Variants in EXOC5 observed in about 807,000 individuals in gnomAD.
EXOC5 encodes the protein SEC10-like 1.
In EXOC5, 17 loss-of-function variants were observed where a neutral mutation model predicts 90.8. The ratio of observed to expected loss-of-function variants is 0.19; its 90% CI spans 0.13 to 0.28. EXOC5 has a LOEUF of 0.28. EXOC5 is among the 10% of genes least tolerant of loss of function. The pLI, the probability that EXOC5 is intolerant of heterozygous loss-of-function variation, is 1.00. For synonymous variants in EXOC5, 260 were observed against 270.0 expected (o/e 0.96, Z 0.36); for missense variants, 569 against 830.6 (o/e 0.69, Z 3.87).
intron 5 of EXOC5, 66 bp from the exon 6 acceptor site, chr14:57,237,432 G>A: frequency 4.8e-6 from 5 of 1,050,688 alleles, no homozygotes; most frequent in Non-Finnish European, 7.1e-6. Flanking sequence ...AATGTAAGAT[G>A]CTAACCAAAT....
intron 6 of EXOC5, among the ~76,000 whole-genome samples, 181 bp downstream of exon 6, chr14:57,237,157 C>CA: frequency 1.3e-5 from 2 of 151,800 alleles, no homozygotes; most frequent in East Asian, 1.9e-4. Context: ...CAAGAATATC[C>CA]AAAAAAACTG....
rs952156379 is a variant in EXOC5 at position 57,268,834 on chromosome 14, G to A, written c.-186C>T. On this transcript the variant is annotated 5_prime_UTR_variant, in exon 1 of 18. Coordinates refer to ENST00000621441, the MANE Select transcript of EXOC5 (RefSeq NM_006544.4). ...GCGGCCATGAAGCGAAGCCGCAAAC[G>A]CTTGTCAGCTGCCTCCCGGCGCCGC... The A allele has an allele frequency of 3.0e-5, 40 of 1,342,260 alleles. No homozygotes were observed. Among genetic ancestry groups the A allele is most frequent in the Non-Finnish European group, 3.7e-5 (38 of 1,039,048 alleles). 83.1% of individuals were successfully genotyped at this position (1,342,260 alleles called of 1,614,324 possible).
At position 57,268,663 on chromosome 14, in the gene EXOC5, A is replaced by G; in HGVS notation, c.-15T>C. 1 of 1,584,792 alleles carries G rather than the reference A, an allele frequency of 6.3e-7. No homozygotes were observed. Among genetic ancestry groups the G allele is most frequent in the Non-Finnish European group, 8.5e-7 (1 of 1,173,238 alleles). On this transcript the variant is annotated 5_prime_UTR_variant, in exon 1 of 18. Coordinates refer to ENST00000621441, the MANE Select transcript of EXOC5 (RefSeq NM_006544.4). ...GTGGTAGCCATCCCGGCCGGCTGAG[A>G]GGCTCGCCCCCCACTGGATGCCGTC...
intron 12 of EXOC5, among the ~76,000 whole-genome samples, chr14:57,226,394 T>C (rs1045181622): frequency 6.6e-6 from 1 of 152,198 alleles, no homozygotes; most frequent in African/African-American, 2.4e-5. Context: ...AAATTAAATA[T>C]AAATCTTAAA....
chr14:57,222,796 CAT>C (rs1429850357), intron 12 of EXOC5, among the ~76,000 whole-genome samples: 2 of 146,936 alleles, frequency 1.4e-5, no homozygotes, highest in South Asian at 2.2e-4. Flanking sequence ...CACACACACA[CAT>C]ACACACACAC....
chr14:57,221,108 T>C (rs1456442891), intron 13 of EXOC5, among the ~76,000 whole-genome samples: 1 of 152,166 alleles, frequency 6.6e-6, no homozygotes. Context: ...AGGGCTACTT[T>C]AGCTAGGGTG....
chr14:57,263,739 T>TAAAAAAAA (rs550651836), intron 1 of EXOC5, among the ~76,000 whole-genome samples: 1 of 39,350 alleles, frequency 2.5e-5, no homozygotes, highest in African/African-American at 7.7e-5. Flanking sequence ...CACTCCAGCC[T>TAAAAAAAA]AAAAAAAAAA....
chr14:57,268,839 T>C lies in EXOC5; in HGVS notation c.-191A>G. The C allele has an allele frequency of 2.3e-6, 3 of 1,319,946 alleles. No homozygotes were observed. Among genetic ancestry groups the C allele is most frequent in the Non-Finnish European group, 2.9e-6 (3 of 1,020,076 alleles). 81.8% of individuals were successfully genotyped at this position (1,319,946 alleles called of 1,614,324 possible). A position where few individuals can be genotyped will look rare whatever the true frequency, so the allele number is the denominator to read the frequency against. ...CATGAAGCGAAGCCGCAAACGCTTGTCAGCTGCCTCCCGGCGCCGCCCGCG... is the reference window on the plus strand; with the variant it reads ...CATGAAGCGAAGCCGCAAACGCTTGCCAGCTGCCTCCCGGCGCCGCCCGCG... On this transcript the variant is annotated 5_prime_UTR_variant, in exon 1 of 18. It removes the in-frame stop codon of an upstream open reading frame in the 5' UTR. Transcript: ENST00000621441.
chr14:57,263,483 A>C (rs1212395844), intron 1 of EXOC5, among the ~76,000 whole-genome samples: 1 of 151,314 alleles, frequency 6.6e-6, no homozygotes, highest in Non-Finnish European at 1.5e-5. Context: ...AAACAAAAAA[A>C]CTGGCCAGGC....
In EXOC5 at chr14:57,204,423, T is replaced by C. The variant is rs1440975358; in HGVS notation, c.*4186A>G. 2 of 152,140 alleles carry C rather than the reference T, an allele frequency of 1.3e-5. No individual in the cohort carries two copies. Among genetic ancestry groups the C allele is most frequent in the African/African-American group, 4.8e-5 (2 of 41,462 alleles). 9.4% of individuals were successfully genotyped at this position (152,140 alleles called of 1,614,324 possible). ...GCAATTCTGATTACATGAAAATGAC[T>C]ATCTACTGTTAATATACTAAATATT... On this transcript the variant is annotated 3_prime_UTR_variant, in exon 18 of 18. Transcript: ENST00000621441.
chr14:57,226,459 T>C (rs1883311171), intron 12 of EXOC5, among the ~76,000 whole-genome samples: 1 of 152,220 alleles, frequency 6.6e-6, no homozygotes. Context: ...TCTCCCCAAA[T>C]AGAACTACAG....
chr14:57,223,184 ATATT>A (rs1364305700), intron 12 of EXOC5, among the ~76,000 whole-genome samples: 1 of 152,138 alleles, frequency 6.6e-6, no homozygotes, highest in Non-Finnish European at 1.5e-5. Flanking sequence ...TGAGCTTACA[ATATT>A]CATTTTGGCG....
At chr14:57,237,397 T>A in intron 5 of EXOC5, 31 bp from the exon 6 acceptor site, 1 of 1,489,744 alleles carries the variant, frequency 6.7e-7, no homozygotes, top group Non-Finnish European at 9.1e-7. Context: ...ATGAGGTTTG[T>A]TAGTTGTGAT....
intron 5 of EXOC5, among the ~76,000 whole-genome samples, chr14:57,239,253 A>G (rs547104488): frequency 4.6e-5 from 7 of 152,324 alleles, no homozygotes; most frequent in Admixed American, 2.6e-4. Flanking sequence ...TGTTCTCTCT[A>G]TCCCCTACCT....
chr14:57,232,085 T>A, intron 10 of EXOC5: 1 of 174,804 alleles, frequency 5.7e-6, no homozygotes, highest in South Asian at 1.4e-4. Flanking sequence ...CCTCTTTTGT[T>A]TTGTCCTTGT....
chr14:57,222,432 C>A lies in EXOC5; in HGVS notation c.1297-16G>T. 2.1e-6 allele frequency: 3 copies of A among 1,409,952 alleles called. No homozygotes were observed. In the South Asian group the frequency reaches 3.7e-5, roughly 17 times the overall value. The allele number at this position is 1,409,952 out of a possible 1,614,324, so 87.3% of individuals were successfully genotyped here. A position where few individuals can be genotyped will look rare whatever the true frequency, so the allele number is the denominator to read the frequency against. ...GATCAGAGAGCTTAAAAACAAAAAT[C>A]AAACAATATCACTCCTCAAGTCTAC... On this transcript the variant is annotated splice_polypyrimidine_tract_variant and intron_variant, in intron 12 of 17. Coordinates refer to ENST00000621441, the MANE Select transcript of EXOC5 (RefSeq NM_006544.4).
At chr14:57,250,026 C>G (rs1169599002) in intron 1 of EXOC5, among the ~76,000 whole-genome samples, 1 of 152,150 alleles carries the variant, frequency 6.6e-6, no homozygotes, top group African/African-American at 2.4e-5. Context: ...CCCGCCTCAG[C>G]CTCCCAAAGT....
intron 12 of EXOC5, among the ~76,000 whole-genome samples, chr14:57,225,434 A>C (rs999244866): frequency 2.0e-5 from 3 of 152,178 alleles, no homozygotes; most frequent in Non-Finnish European, 2.9e-5. Context: ...CAAAGTGTTC[A>C]CTCTCATCAC....
intron 3 of EXOC5, among the ~76,000 whole-genome samples, chr14:57,245,028 T>C (rs1293448417): frequency 1.3e-5 from 2 of 151,200 alleles, no homozygotes; most frequent in Admixed American, 6.6e-5. Context: ...TGGTAAAATA[T>C]ACCAATTTAT....
Sources: gnomAD v4.1 joint callset for allele counts (sites outside exome capture counted in the v4.1 genomes callset) on GRCh38, gnomAD v4.1.1 for gene constraint, MANE v1.5 for transcripts, NCBI Gene and HGNC (gene_info 2026-07-23, HGNC 2026-07-21) for gene names.